PDE4D: variants seen among roughly 807,000 people sequenced by gnomAD.
PDE4D encodes 3',5'-cyclic-AMP phosphodiesterase 4D.
A neutral mutation model predicts 87.4 loss-of-function variants in PDE4D; 24 were observed. The observed-to-expected ratio is 0.27, with a 90% confidence interval of 0.20 to 0.39. The LOEUF (loss-of-function observed/expected upper bound fraction) is 0.39, where lower values mean the gene tolerates loss of function less well. Among genes scored for constraint, PDE4D ranks in the 10% least tolerant of loss-of-function variants. The pLI is 1.00. For missense variants in PDE4D, 714 were observed against 1,041.0 expected, an observed-to-expected ratio of 0.69 and a Z score of 4.32; for synonymous variants, 384 against 383.2, an observed-to-expected ratio of 1.00 and a Z score of -0.02.
At chr5:60,422,318 G>C (rs1743193132) in intron 1 of PDE4D, among the ~76,000 whole-genome samples, 1 of 152,198 alleles carries the variant, frequency 6.6e-6, no homozygotes, top group African/African-American at 2.4e-5. Flanking sequence ...TCCACAAAGG[G>C]AAGCCCATCA....
chr5:59,180,456 G>A (rs1458482447), intron 5 of PDE4D, 139 bp downstream of exon 5: 1 of 762,090 alleles, frequency 1.3e-6, no homozygotes, highest in East Asian at 2.6e-5. Flanking sequence ...ATCAATGATA[G>A]AAATGATAAT....
intron 1 of PDE4D, among the ~76,000 whole-genome samples, chr5:60,518,199 AC>A (rs1750888163): frequency 6.6e-6 from 1 of 151,998 alleles, no homozygotes; most frequent in Non-Finnish European, 1.5e-5. Flanking sequence ...TTGTTCACAT[AC>A]CCCTTGCCTT....
intron 1 of PDE4D, among the ~76,000 whole-genome samples, chr5:59,312,447 T>C (rs577982970): frequency 9.3e-4 from 142 of 152,268 alleles, no homozygotes; most frequent in African/African-American, 3.3e-3. Context: ...AGCGGGAATA[T>C]GGGCCAGGAA....
intron 1 of PDE4D, among the ~76,000 whole-genome samples, chr5:59,600,801 A>G (rs774698897): frequency 3.9e-5 from 6 of 152,184 alleles, no homozygotes; most frequent in Non-Finnish European, 7.3e-5. Context: ...AACAGTTGTG[A>G]TAGCACCTGC....
chr5:60,255,915 T>G (rs538735776), intron 1 of PDE4D, among the ~76,000 whole-genome samples: 20 of 152,048 alleles, frequency 1.3e-4, no homozygotes, highest in Non-Finnish European at 2.4e-4. Context: ...TCTGTATATC[T>G]TTTTACATTT....
chr5:59,911,940 TATA>T lies in PDE4D; in HGVS notation c.272+76545_272+76547del, dbSNP rs1371463634. On this transcript the variant is annotated intron_variant, in intron 3 of 16. Coordinates refer to the PDE4D transcript ENST00000502484. ...TGGATAATTTATTTTTTGTATAAAT[TATA>T]ATGATTTTAAAGCCCTATAAGACTC... 3.3e-5 allele frequency among the ~76,000 whole-genome samples: 5 copies of T among 152,216 alleles called. No individual in the cohort carries two copies. In the South Asian group the frequency reaches 6.2e-4, roughly 19 times the overall value.
At chr5:60,324,494 C>T (rs1299766386) in intron 1 of PDE4D, among the ~76,000 whole-genome samples, 1 of 152,148 alleles carries the variant, frequency 6.6e-6, no homozygotes, top group African/African-American at 2.4e-5. Flanking sequence ...AGGCTAACTC[C>T]AGGCATGGTA....
At chr5:60,249,672 A>G (rs1748205306) in intron 1 of PDE4D, among the ~76,000 whole-genome samples, 1 of 152,008 alleles carries the variant, frequency 6.6e-6, no homozygotes, top group African/African-American at 2.4e-5. Context: ...TTCCAAACCT[A>G]TTTTCTGAAA....
At chr5:59,378,611 C>T (rs952841696) in intron 1 of PDE4D, among the ~76,000 whole-genome samples, 1 of 152,078 alleles carries the variant, frequency 6.6e-6, no homozygotes, top group African/African-American at 2.4e-5. Context: ...CTATGTTCAC[C>T]CTTTTAGGTA....
chr5:59,279,345 C>A (rs1462334854), intron 1 of PDE4D, among the ~76,000 whole-genome samples: 1 of 152,012 alleles, frequency 6.6e-6, no homozygotes, highest in African/African-American at 2.4e-5. Flanking sequence ...GTAGCAGTTC[C>A]TCATTATTGA....
At chr5:59,743,145 A>AT (rs931197597) in intron 1 of PDE4D, among the ~76,000 whole-genome samples, 3 of 152,098 alleles carry the variant, frequency 2.0e-5, no homozygotes, top group Admixed American at 1.3e-4. Context: ...CAAACCCTAA[A>AT]TTTTTTCCTT....
chr5:59,882,639 G>A (rs1749596918), intron 1 of PDE4D, among the ~76,000 whole-genome samples: 1 of 151,790 alleles, frequency 6.6e-6, no homozygotes. Context: ...TATTTAATGG[G>A]GCTACATTTT....
intron 1 of PDE4D, among the ~76,000 whole-genome samples, chr5:59,839,340 TAC>T (rs1172967895): frequency 2.0e-5 from 3 of 152,006 alleles, no homozygotes; most frequent in Non-Finnish European, 4.4e-5. Context: ...CCAAGTTATC[TAC>T]CAACAGTTGG....
Position 59,198,363 on chromosome 5 carries a change from G to A in PDE4D, c.648-4827C>T, listed in dbSNP as rs368792564. Among the ~76,000 whole-genome samples, 7 of 152,332 alleles carry A rather than the reference G, an allele frequency of 4.6e-5. No individual in the cohort carries two copies. In the East Asian group the frequency reaches 9.6e-4, roughly 21 times the overall value. ...TACATGTATGTATGTATGCACATAT[G>A]TATGTATGTGAGAGATGAGATTGGT... On this transcript the variant is annotated intron_variant, in intron 2 of 14. Transcript: ENST00000340635.
At chr5:59,823,373 T>C (rs1581266726) in intron 1 of PDE4D, among the ~76,000 whole-genome samples, 2 of 152,154 alleles carry the variant, frequency 1.3e-5, no homozygotes, top group Middle Eastern at 3.2e-3. Context: ...AAAAACAACA[T>C]TAACAGTGAT....
At chr5:59,831,309 A>G (rs1191120010) in intron 1 of PDE4D, among the ~76,000 whole-genome samples, 2 of 127,082 alleles carry the variant, frequency 1.6e-5, no homozygotes, top group East Asian at 2.4e-4. Context: ...GCTGCCACAG[A>G]GGTCATAAAT....
intron 2 of PDE4D, among the ~76,000 whole-genome samples, chr5:60,109,754 C>T (rs1339900719): frequency 3.3e-5 from 5 of 151,354 alleles, no homozygotes; most frequent in Admixed American, 1.3e-4. Flanking sequence ...AGTAAACTAT[C>T]GCAAGGACAA....
At chr5:59,834,187 C>T (rs778362601) in intron 1 of PDE4D, among the ~76,000 whole-genome samples, 3 of 152,010 alleles carry the variant, frequency 2.0e-5, no homozygotes, top group Non-Finnish European at 2.9e-5. Context: ...AACAAGAAAA[C>T]TACATCGTAA....
At chr5:59,398,064 G>A (rs1429977539) in intron 1 of PDE4D, among the ~76,000 whole-genome samples, 1 of 141,090 alleles carries the variant, frequency 7.1e-6, no homozygotes, top group African/African-American at 2.7e-5. Flanking sequence ...ACCAATAACA[G>A]GATCTGAAAT....
Sources: gnomAD v4.1 joint callset for allele counts (sites outside exome capture counted in the v4.1 genomes callset) on GRCh38, gnomAD v4.1.1 for gene constraint, MANE v1.5 for transcripts, NCBI Gene and HGNC (gene_info 2026-07-23, HGNC 2026-07-21) for gene names.